CADM2: variants seen among roughly 807,000 people sequenced by gnomAD.
CADM2 encodes cell adhesion molecule 2.
A neutral mutation model predicts 49.8 loss-of-function variants in CADM2; 12 were observed. The observed-to-expected ratio is 0.24, with a 90% CI of 0.15 to 0.39. CADM2 has a LOEUF of 0.39. Among genes scored for constraint, CADM2 ranks in the 10% least tolerant of loss-of-function variants. The pLI is 1.00. For missense variants in CADM2, 378 were observed against 492.3 expected (o/e 0.77, Z 2.20); for synonymous variants, 214 against 175.4 (o/e 1.22, Z -1.74).
chr3:85,535,335 G>C (rs1010705913), intron 1 of CADM2, among the ~76,000 whole-genome samples: 1 of 152,132 alleles, frequency 6.6e-6, no homozygotes, highest in South Asian at 2.1e-4. Context: ...TACAGAATAT[G>C]TTGGAGGTTT....
At chr3:85,107,543 C>G (rs2038278497) in intron 1 of CADM2, among the ~76,000 whole-genome samples, 1 of 151,414 alleles carries the variant, frequency 6.6e-6, no homozygotes, top group East Asian at 1.9e-4. Flanking sequence ...CTGTGGAAAA[C>G]AGTGTGACTC....
intron 1 of CADM2, among the ~76,000 whole-genome samples, chr3:85,566,893 G>T (rs1370666157): frequency 6.6e-6 from 1 of 152,146 alleles, no homozygotes; most frequent in Non-Finnish European, 1.5e-5. Flanking sequence ...ATATACATGG[G>T]TTTCACAAAC....
At chr3:85,921,853 A>G (rs889799688) in intron 6 of CADM2, among the ~76,000 whole-genome samples, 1 of 152,042 alleles carries the variant, frequency 6.6e-6, no homozygotes, top group South Asian at 2.1e-4. Flanking sequence ...CTTCTCCCAC[A>G]AGACCTGGTA....
chr3:85,254,190 T>G (rs1397077839), intron 1 of CADM2, among the ~76,000 whole-genome samples: 1 of 152,038 alleles, frequency 6.6e-6, no homozygotes, highest in Non-Finnish European at 1.5e-5. Flanking sequence ...TATTGTAAAG[T>G]ATATTACAAA....
At chr3:84,982,271 T>A (rs1487499538) in intron 1 of CADM2, among the ~76,000 whole-genome samples, 1 of 152,176 alleles carries the variant, frequency 6.6e-6, no homozygotes, top group African/African-American at 2.4e-5. Context: ...GAAATATTCA[T>A]TTGTGTTTCT....
At chr3:85,575,461 G>A (rs2062603585) in intron 1 of CADM2, among the ~76,000 whole-genome samples, 1 of 152,206 alleles carries the variant, frequency 6.6e-6, no homozygotes, top group African/African-American at 2.4e-5. Flanking sequence ...TGAGGCAGGA[G>A]AATGGCGTGA....
chr3:85,966,341 A>G (rs1347290293), intron 8 of CADM2, among the ~76,000 whole-genome samples: 1 of 151,736 alleles, frequency 6.6e-6, no homozygotes, highest in South Asian at 2.1e-4. Context: ...TATTCCATAA[A>G]GTTTTTTTGT....
At chr3:85,283,589 G>A (rs1167049598) in intron 1 of CADM2, among the ~76,000 whole-genome samples, 2 of 151,908 alleles carry the variant, frequency 1.3e-5, no homozygotes, top group Non-Finnish European at 2.9e-5. Context: ...TATTACTTGT[G>A]TATGCAAACA....
chr3:85,617,325 C>T (rs1277156791), intron 1 of CADM2, among the ~76,000 whole-genome samples: 1 of 152,124 alleles, frequency 6.6e-6, no homozygotes, highest in Non-Finnish European at 1.5e-5. Context: ...GAAACAGTTA[C>T]TTATGATTAC....
intron 1 of CADM2, among the ~76,000 whole-genome samples, chr3:85,193,680 A>G (rs776963195): frequency 2.6e-5 from 4 of 151,996 alleles, no homozygotes; most frequent in African/African-American, 7.2e-5. Context: ...CCTCACTCCA[A>G]TGTGATCTCT....
intron 1 of CADM2, among the ~76,000 whole-genome samples, chr3:84,989,700 A>G (rs2032775130): frequency 1.3e-5 from 2 of 152,060 alleles, no homozygotes; most frequent in Admixed American, 1.3e-4. Flanking sequence ...TTGTGTATAC[A>G]TCTTAAGTTC....
intron 1 of CADM2, among the ~76,000 whole-genome samples, chr3:85,124,364 G>C (rs1181052510): frequency 6.6e-6 from 1 of 152,166 alleles, no homozygotes; most frequent in Non-Finnish European, 1.5e-5. Context: ...AGCATTCTGG[G>C]AGGCAAATGC....
At chr3:85,126,390 A>G (rs574750010) in intron 1 of CADM2, among the ~76,000 whole-genome samples, 85 of 152,270 alleles carry the variant, frequency 5.6e-4, no homozygotes, top group Middle Eastern at 3.4e-3. Context: ...AAGAAACAAT[A>G]ATATAGTATA....
chr3:84,973,508 A>G (rs1164681485), intron 1 of CADM2, among the ~76,000 whole-genome samples: 1 of 152,176 alleles, frequency 6.6e-6, no homozygotes, highest in Admixed American at 6.5e-5. Flanking sequence ...AGAATGCTCT[A>G]TTCTAACTGA....
At chr3:85,853,111 T>C (rs2075170047) in intron 3 of CADM2, among the ~76,000 whole-genome samples, 2 of 152,184 alleles carry the variant, frequency 1.3e-5, no homozygotes, top group South Asian at 4.1e-4. Context: ...TTAAAAAAAT[T>C]CTTTCCCTGC....
intron 8 of CADM2, among the ~76,000 whole-genome samples, chr3:86,044,379 C>T (rs536331926): frequency 7.9e-5 from 12 of 152,276 alleles, no homozygotes; most frequent in Admixed American, 7.8e-4. Context: ...AAACAAACAA[C>T]CCCATCAACA....
intron 1 of CADM2, among the ~76,000 whole-genome samples, chr3:85,226,790 C>T (rs2042172961): frequency 6.6e-6 from 1 of 152,184 alleles, no homozygotes; most frequent in Non-Finnish European, 1.5e-5. Context: ...CCTCTACACA[C>T]TGCTTAAATG....
chr3:85,148,870 T>C (rs1440299436), intron 1 of CADM2, among the ~76,000 whole-genome samples: 1 of 152,052 alleles, frequency 6.6e-6, no homozygotes, highest in Non-Finnish European at 1.5e-5. Context: ...TTGAGTAGGC[T>C]GAGGAGGAGG....
chr3:85,108,885 C>A (rs1488396014), intron 1 of CADM2, among the ~76,000 whole-genome samples: 2 of 151,854 alleles, frequency 1.3e-5, no homozygotes, highest in East Asian at 3.9e-4. Context: ...ATCAAGAAAG[C>A]AATTCTTTAA....
Sources: gnomAD v4.1 joint callset for allele counts (sites outside exome capture counted in the v4.1 genomes callset) on GRCh38, gnomAD v4.1.1 for gene constraint, MANE v1.5 for transcripts, NCBI Gene and HGNC (gene_info 2026-07-23, HGNC 2026-07-21) for gene names.